Variants in CARD19 observed in about 807,000 individuals in gnomAD.
CARD19 encodes caspase recruitment domain-containing protein 19.
In CARD19, 25 loss-of-function variants were observed where a neutral mutation model predicts 24.1. The observed-to-expected ratio is 1.04, with a 90% CI of 0.76 to 1.45. The LOEUF is 1.45. CARD19 is among the 40% of genes most tolerant of loss of function. CARD19 has a pLI of 0.00. For missense variants in CARD19, 241 were observed against 247.4 expected, an observed-to-expected ratio of 0.97 and a Z score of 0.17; for synonymous variants, 103 against 104.9, an observed-to-expected ratio of 0.98 and a Z score of 0.11.
chr9:93,106,061 A>C (rs1587643843), intron 1 of CARD19, among the ~76,000 whole-genome samples: 2 of 152,306 alleles, frequency 1.3e-5, no homozygotes, highest in African/African-American at 4.8e-5. Context: ...TTAATACATA[A>C]TGTACTTTTT....
chr9:93,101,462 G>C (rs1348550081), intron 1 of CARD19, among the ~76,000 whole-genome samples: 1 of 144,160 alleles, frequency 6.9e-6, no homozygotes, highest in Non-Finnish European at 1.5e-5. Flanking sequence ...TTTTTTTTGA[G>C]ACGGAGTCTC....
chr9:93,107,868 T>C (rs1465693700), intron 2 of CARD19, 52 bp downstream of exon 2: 1 of 1,609,894 alleles, frequency 6.2e-7, no homozygotes, highest in African/African-American at 1.3e-5. Context: ...TTCCCTTCCT[T>C]TCTGGGCTGG....
intron 1 of CARD19, among the ~76,000 whole-genome samples, chr9:93,105,390 C>T (rs1304926772): frequency 2.0e-5 from 3 of 152,194 alleles, no homozygotes; most frequent in Non-Finnish European, 2.9e-5. Context: ...AAGGATTTCT[C>T]GTGCCTCAGC....
chr9:93,105,197 C>CA (rs1471028919), intron 1 of CARD19, among the ~76,000 whole-genome samples: 1 of 150,330 alleles, frequency 6.7e-6, no homozygotes, highest in Admixed American at 6.6e-5. Context: ...TGTGTGTGTG[C>CA]GTGTGTGTGT....
At chr9:93,112,088 G>A in intron 4 of CARD19, 130 bp from the exon 5 acceptor site, 1 of 1,341,588 alleles carries the variant, frequency 7.5e-7, no homozygotes, top group South Asian at 1.3e-5. Flanking sequence ...CCCCCCCTAA[G>A]GTGCTCGTTT....
intron 1 of CARD19, among the ~76,000 whole-genome samples, chr9:93,097,708 C>T (rs1049335576): frequency 3.3e-5 from 5 of 152,184 alleles, no homozygotes; most frequent in African/African-American, 1.2e-4. Flanking sequence ...AAGGAGCCTT[C>T]CTGCACAAAG....
At chr9:93,107,013 A>G (rs544016679) in intron 1 of CARD19, among the ~76,000 whole-genome samples, 45 of 152,238 alleles carry the variant, frequency 3.0e-4, no homozygotes, top group African/African-American at 1.0e-3. Flanking sequence ...AAAAAAGGCA[A>G]ATGAAAAGCA....
At chr9:93,110,412 TG>T in intron 2 of CARD19, 155 bp from the exon 3 acceptor site, 1 of 1,198,484 alleles carries the variant, frequency 8.3e-7, no homozygotes, top group Non-Finnish European at 1.1e-6. Flanking sequence ...CTATGTGGTG[TG>T]GGTAAGGGGC....
At chr9:93,101,776 C>A (rs765339372) in intron 1 of CARD19, among the ~76,000 whole-genome samples, 103 of 151,748 alleles carry the variant, frequency 6.8e-4, no homozygotes, top group Non-Finnish European at 1.1e-3. Context: ...TGAGGACCTG[C>A]CATACTGTTT....
At chr9:93,111,963 C>T (rs777687518) in intron 4 of CARD19, 25 bp downstream of exon 4, 1 of 1,578,776 alleles carries the variant, frequency 6.3e-7, no homozygotes, top group East Asian at 2.3e-5. Context: ...CTGCCCCTCC[C>T]TCTCTCTCCC....
At chr9:93,107,963 C>A in intron 2 of CARD19, 147 bp downstream of exon 2, 1 of 1,118,464 alleles carries the variant, frequency 8.9e-7, no homozygotes, top group Non-Finnish European at 1.3e-6. Flanking sequence ...ACATCTGGAC[C>A]TGGCTACTAA....
At chr9:93,110,408 G>A (rs1012434912) in intron 2 of CARD19, 160 bp from the exon 3 acceptor site, 14 of 1,151,018 alleles carry the variant, frequency 1.2e-5, no homozygotes, top group Non-Finnish European at 1.7e-5. Flanking sequence ...GGCACTATGT[G>A]GTGTGGGTAA....
At chr9:93,109,698 T>C (rs934531019) in intron 2 of CARD19, among the ~76,000 whole-genome samples, 6 of 152,122 alleles carry the variant, frequency 3.9e-5, no homozygotes, top group Non-Finnish European at 8.8e-5. Flanking sequence ...ACTCCTGACC[T>C]GGAACTCCTG....
chr9:93,101,130 T>G (rs1193331257), intron 1 of CARD19, among the ~76,000 whole-genome samples: 1 of 152,160 alleles, frequency 6.6e-6, no homozygotes, highest in East Asian at 1.9e-4. Context: ...CAGGCTGGAG[T>G]ACAGTGGTGT....
intron 1 of CARD19, among the ~76,000 whole-genome samples, chr9:93,106,750 T>C (rs1277346998): frequency 6.6e-6 from 1 of 152,160 alleles, no homozygotes; most frequent in East Asian, 1.9e-4. Context: ...TAGTAACACA[T>C]TTAGAGTCCC....
At chr9:93,111,670 G>A (rs570681588) in intron 3 of CARD19, 27 of 1,379,604 alleles carry the variant, frequency 2.0e-5, no homozygotes, top group African/African-American at 8.7e-5. Context: ...TGTGGCTCCC[G>A]GGTGCCTTTA....
Position 93,110,693 on chromosome 9 carries a change from C to T in CARD19, c.276C>T (p.His92=), listed in dbSNP as rs774499166. The T allele has an allele frequency of 5.6e-6, 9 of 1,611,992 alleles. No homozygotes were observed. In the South Asian group the frequency reaches 9.9e-5, roughly 18 times the overall value. The change falls in exon 3 of 6, where the codon CAC becomes CAT. Residue 92 remains histidine (H), a synonymous_variant. Transcript: ENST00000375464. ...TGTATATCCATGCCCAGCCCCTGCA[C>T]AGCCGCCTGCCCAGCCGCCACGCTC... ...RALYIHAQPL[H]SRLPSRHALQ...
chr9:93,102,576 C>T (rs1002615178), intron 1 of CARD19, among the ~76,000 whole-genome samples: 1 of 151,484 alleles, frequency 6.6e-6, no homozygotes, highest in Admixed American at 6.6e-5. Flanking sequence ...ATGATAGTAC[C>T]ACATTGTTTT....
rs1827441909 is a variant in CARD19, at chr9:93,110,741, C to A, written c.304+20C>A. The A allele has an allele frequency of 6.2e-7, 1 of 1,605,414 alleles. No homozygotes were observed. Among genetic ancestry groups the A allele is most frequent in the African/African-American group, 1.3e-5 (1 of 74,996 alleles). On this transcript the variant is annotated intron_variant, in intron 3 of 5. Coordinates refer to ENST00000375464, the MANE Select transcript of CARD19 (RefSeq NM_032310.5). The stretch of plus-strand genomic sequence containing the variant: ...CTCTGCGTAAGTTCCACATCACCAA[C>A]CATGCATGCTTGGTGCTGGCCCGGG...
Sources: allele counts gnomAD v4.1 joint callset (sites outside exome capture counted in the v4.1 genomes callset), GRCh38; gene constraint gnomAD v4.1.1; transcripts MANE v1.5; gene names NCBI Gene and HGNC (gene_info 2026-07-23, HGNC 2026-07-21).